Variants in OR5T1 observed in about 807,000 individuals in gnomAD.
OR5T1 encodes olfactory receptor family 5 subfamily T member 1.
In OR5T1, 14 loss-of-function variants were observed where a neutral mutation model predicts 10.1. The ratio of observed to expected loss-of-function variants is 1.39; its 90% CI spans 0.92 to 2.18. The LOEUF is 2.18. OR5T1 is among the 30% of genes most tolerant of loss of function. OR5T1 has a pLI of 0.00. For missense variants in OR5T1, 461 were observed against 383.9 expected, an observed-to-expected ratio of 1.20 and a Z score of -1.68; for synonymous variants, 166 against 141.2, an observed-to-expected ratio of 1.18 and a Z score of -1.24.
chr11:56,275,418 T>C (rs1853924309), intron 2 of OR5T1, 68 bp from the exon 3 acceptor site: 3 of 389,798 alleles, frequency 7.7e-6, no homozygotes, highest in Non-Finnish European at 9.0e-6. Flanking sequence ...TCCAGCTTCA[T>C]CCATGTTAAA....
chr11:56,274,940 T>C (rs1004341912), intron 2 of OR5T1, among the ~76,000 whole-genome samples, 187 bp downstream of exon 2: 1 of 152,178 alleles, frequency 6.6e-6, no homozygotes, highest in Non-Finnish European at 1.5e-5. Flanking sequence ...TACAACCCAC[T>C]CTTATAATGT....
chr11:56,276,619 G>C lies in OR5T1; in HGVS notation c.981G>C (p.Ter327TyrextTer2), dbSNP rs751282625. 2.5e-6 allele frequency: 4 copies of C among 1,596,708 alleles called. No homozygotes were observed. In the South Asian group the frequency reaches 4.5e-5, roughly 18 times the overall value. The change falls in exon 3 of 3, where the codon TAG (stop) becomes TAC (tyrosine). Residue 327 changes from the stop codon to tyrosine (Y), a stop_lost. Coordinates refer to ENST00000641665, the MANE Select transcript of OR5T1 (RefSeq NM_001004745.2). ...LVRNWFINKL[*>Y] is the part of the protein sequence containing the mutation. ...GAAATTGGTTCATAAATAAGTTATA[G>C]TTTTAAAATTGAGTAAAGTTGCAAA... is the stretch of plus-strand genomic sequence containing the variant.
In OR5T1 at chr11:56,276,131, A is replaced by G. The variant is rs746452802; in HGVS notation, c.493A>G (p.Ile165Val). The G allele has an allele frequency of 6.2e-7, 1 of 1,614,042 alleles. No homozygotes were observed. Among genetic ancestry groups the G allele is most frequent in the Admixed American group, 1.7e-5 (1 of 60,014 alleles). ...CATCACTGCTTCCTATGTTGCTAGC[A>G]TTTTACATGCTACTATACATACAGT... ...PLITASYVASILHATIHTVAT... is the reference protein window; with the variant it reads ...PLITASYVASVLHATIHTVAT... Residue 165 changes from isoleucine (I) to valine (V), a missense_variant, in exon 3 of 3, where the codon ATT becomes GTT. Transcript: ENST00000641665.
rs775832107 is a variant in OR5T1 at position 56,275,980 on chromosome 11, T to C, written c.342T>C (p.Phe114=). ...TTCTTGGATGTGCAACACAGATGTT[T>C]CTTGCTTGTACTTTTGGAACCACAG... is the stretch of plus-strand genomic sequence containing the variant. ...ISFLGCATQM[F]LACTFGTTEC... is the part of the protein sequence containing the mutation. The change falls in exon 3 of 3, where the codon TTT becomes TTC. Residue 114 remains phenylalanine (F), a synonymous_variant. Coordinates refer to ENST00000641665, the MANE Select transcript of OR5T1 (RefSeq NM_001004745.2). 6.2e-7 allele frequency: 1 copy of C among 1,614,230 alleles called. No individual in the cohort carries two copies. The highest frequency in any genetic ancestry group is 8.5e-7 in the Non-Finnish European group (1 of 1,180,042).
chr11:56,274,932 CA>C (rs1321821661), intron 2 of OR5T1, among the ~76,000 whole-genome samples, 179 bp downstream of exon 2: 1 of 152,040 alleles, frequency 6.6e-6, no homozygotes, highest in African/African-American at 2.4e-5. Context: ...CATTTAAATA[CA>C]ACCCACTCTT....
In OR5T1 at chr11:56,275,907, C is replaced by T; in HGVS notation, c.269C>T (p.Thr90Ile). 6.2e-7 allele frequency: 1 copy of T among 1,614,174 alleles called. No homozygotes were observed. Among genetic ancestry groups the T allele is most frequent in the Non-Finnish European group, 8.5e-7 (1 of 1,180,018 alleles). The change falls in exon 3 of 3, where the codon ACT (threonine) becomes ATT (isoleucine). Residue 90 changes from threonine to isoleucine, a missense_variant. By Grantham distance (89) the Thr-to-Ile change is moderately conservative (BLOSUM62 -1). Coordinates refer to ENST00000641665, the MANE Select transcript of OR5T1 (RefSeq NM_001004745.2). Reference sequence around the variant, plus strand: ...GATGTCTGCTATTCTACAGTTGTCACTCCAAAAATGTTGGTCAATTTCCTG... The same window carrying T: ...GATGTCTGCTATTCTACAGTTGTCATTCCAAAAATGTTGGTCAATTTCCTG... ...FLDVCYSTVV[T>I]PKMLVNFLAK...
rs1853955864 is a variant in OR5T1, at chr11:56,276,725, A to G, written c.*106A>G. The G allele has an allele frequency of 4.0e-6, 3 of 756,576 alleles. No homozygotes were observed. The highest frequency in any genetic ancestry group is 2.6e-5 in the East Asian group (1 of 37,886). 46.9% of individuals were successfully genotyped at this position (756,576 alleles called of 1,614,324 possible). ...TTTCTTTTAGTTAACAGTGCTTGTA[A>G]CTTCTAGAATATTTTCAAATAAAGC... On this transcript the variant is annotated 3_prime_UTR_variant, in exon 3 of 3. Coordinates refer to ENST00000641665, the MANE Select transcript of OR5T1 (RefSeq NM_001004745.2).
rs972674903 is a variant in OR5T1 at position 56,276,755 on chromosome 11, A to G, written c.*136A>G. 22 of 640,758 alleles carry G rather than the reference A, an allele frequency of 3.4e-5. No homozygotes were observed. In the African/African-American group the frequency reaches 3.5e-4, roughly 10 times the overall value. The allele number at this position is 640,758 out of a possible 1,614,324, so 39.7% of individuals were successfully genotyped here. ...TAGAATATTTTCAAATAAAGCATCA[A>G]TCAGCCTACTAATTCACCATTTTAG... On this transcript the variant is annotated 3_prime_UTR_variant, in exon 3 of 3. Coordinates refer to ENST00000641665, the MANE Select transcript of OR5T1 (RefSeq NM_001004745.2).
chr11:56,275,935 A>C lies in OR5T1; in HGVS notation c.297A>C (p.Ala99=). The change falls in exon 3 of 3, where the codon GCA becomes GCC. Residue 99 remains alanine, a synonymous_variant. Transcript: ENST00000641665. ...VTPKMLVNFL[A]KNKSISFLGC... is the part of the protein sequence containing the mutation. Reference sequence around the variant, plus strand: ...CAAAAATGTTGGTCAATTTCCTGGCAAAAAATAAATCTATTTCATTTCTTG... The same window carrying C: ...CAAAAATGTTGGTCAATTTCCTGGCCAAAAATAAATCTATTTCATTTCTTG... 6.2e-7 allele frequency: 1 copy of C among 1,614,178 alleles called. No homozygotes were observed. Among genetic ancestry groups the C allele is most frequent in the Non-Finnish European group, 8.5e-7 (1 of 1,180,032 alleles).
rs145350610 is a variant in OR5T1, at chr11:56,276,448, G to A, written c.810G>A (p.Met270Ile). Residue 270 changes from methionine (M) to isoleucine (I), a missense_variant, in exon 3 of 3, where the codon ATG becomes ATA. Coordinates refer to ENST00000641665, the MANE Select transcript of OR5T1 (RefSeq NM_001004745.2). ...TTTATCATGGGACAATCCTCTTCAT[G>A]TATGTGAGACCAAGTTCCAGCTACA... ...VTIYHGTILF[M>I]YVRPSSSYTS... is the part of the protein sequence containing the mutation. 2 of 1,613,998 alleles carry A rather than the reference G, an allele frequency of 1.2e-6. No homozygotes were observed. The highest frequency in any genetic ancestry group is 3.3e-5 in the Admixed American group (2 of 60,018).
In OR5T1 at chr11:56,276,144, C is replaced by T. The variant is rs780122858; in HGVS notation, c.506C>T (p.Thr169Ile). ...TATGTTGCTAGCATTTTACATGCTA[C>T]TATACATACAGTGGCTACATTTAGC... ...ASYVASILHA[T>I]IHTVATFSLS... Residue 169 changes from threonine to isoleucine, a missense_variant, in exon 3 of 3, where the codon ACT becomes ATT. Transcript: ENST00000641665. 1.9e-6 allele frequency: 3 copies of T among 1,614,144 alleles called. No homozygotes were observed. Among genetic ancestry groups the T allele is most frequent in the Admixed American group, 3.3e-5 (2 of 60,010 alleles).
rs779171832 is a variant in OR5T1, at chr11:56,275,596, T to C, written c.-43T>C. On this transcript the variant is annotated 5_prime_UTR_variant, in exon 3 of 3. Coordinates refer to ENST00000641665, the MANE Select transcript of OR5T1 (RefSeq NM_001004745.2). ...GAGGATATAATTGGATAAACTTAAT[T>C]TTCACAGGCTGTTGCATTTAGTACA... The C allele has an allele frequency of 2.0e-6, 3 of 1,474,180 alleles. No homozygotes were observed. Among genetic ancestry groups the C allele is most frequent in the African/African-American group, 2.8e-5 (2 of 70,854 alleles). The allele number at this position is 1,474,180 out of a possible 1,614,324, so 91.3% of individuals were successfully genotyped here.
At position 56,276,523 on chromosome 11, in the gene OR5T1, CA is replaced by C; in HGVS notation, c.886del (p.Met296CysfsTer2). 1 of 1,612,994 alleles carries C rather than the reference CA, an allele frequency of 6.2e-7. No homozygotes were observed. Among genetic ancestry groups the C allele is most frequent in the Middle Eastern group, 1.7e-4 (1 of 6,058 alleles). ...VSIFYTIVIPMLNPIIYSLRN... is the reference protein window; with the variant it reads ...VSIFYTIVIPXLNPIIYSLRN... ...CAATATTTTATACCATTGTGATTCC[CA>C]TGCTGAATCCCATCATCTACAGTTT... On this transcript the variant is annotated frameshift_variant, in exon 3 of 3. Coordinates refer to ENST00000641665, the MANE Select transcript of OR5T1 (RefSeq NM_001004745.2). LOFTEE classifies it low-confidence loss of function (END_TRUNC).
rs144926443 is a variant in OR5T1, at chr11:56,276,460, A to C, written c.822A>C (p.Pro274=). The C allele has an allele frequency of 6.2e-7, 1 of 1,614,078 alleles. No homozygotes were observed. The highest frequency in any genetic ancestry group is 1.1e-5 in the South Asian group (1 of 91,078). ...HGTILFMYVR[P]SSSYTSDNDM... ...CAATCCTCTTCATGTATGTGAGACC[A>C]AGTTCCAGCTACACTTCGGACAATG... The change falls in exon 3 of 3, where the codon CCA becomes CCC. Residue 274 remains proline, a synonymous_variant. Transcript: ENST00000641665.
At position 56,275,645 on chromosome 11, in the gene OR5T1, G is replaced by C. The variant is rs149108664; in HGVS notation, c.7G>C (p.Gly3Arg). The C allele has an allele frequency of 9.6e-6, 15 of 1,566,136 alleles. No individual in the cohort carries two copies. In the African/African-American group the frequency reaches 2.1e-4, roughly 22 times the overall value. ...CATATAAACAATAGCTAAAATGTCA[G>C]GGTTGCCTTCAGATATGGATCTATA... MS[G>R]LPSDMDLYKL... Residue 3 changes from glycine (G) to arginine (R), a missense_variant, in exon 3 of 3, where the codon GGG becomes CGG. Gly to Arg is a moderately radical substitution (Grantham distance 125). Coordinates refer to ENST00000641665, the MANE Select transcript of OR5T1 (RefSeq NM_001004745.2).
Position 56,275,874 on chromosome 11 carries a change from C to A in OR5T1, c.236C>A (p.Ser79Ter). 2 of 1,614,114 alleles carry A rather than the reference C, an allele frequency of 1.2e-6. No individual in the cohort carries two copies. Among genetic ancestry groups the A allele is most frequent in the East Asian group, 2.2e-5 (1 of 44,874 alleles). Residue 79 changes from serine to a stop codon, truncating the protein, a stop_gained, in exon 3 of 3, where the codon TCA becomes TAA. Coordinates refer to ENST00000641665, the MANE Select transcript of OR5T1 (RefSeq NM_001004745.2). LOFTEE classifies it high-confidence loss of function. ...SPMYYFLGVL[S>*]FLDVCYSTVV... Reference sequence around the variant, plus strand: ...ATGTACTATTTTCTTGGTGTTTTATCATTCTTGGATGTCTGCTATTCTACA... The same window carrying A: ...ATGTACTATTTTCTTGGTGTTTTATAATTCTTGGATGTCTGCTATTCTACA...
At position 56,275,855 on chromosome 11, in the gene OR5T1, T is replaced by C. The variant is rs745582694; in HGVS notation, c.217T>C (p.Tyr73His). Residue 73 changes from tyrosine to histidine, a missense_variant, in exon 3 of 3, where the codon TAT becomes CAT. By Grantham distance (83) the Tyr-to-His change is moderately conservative (BLOSUM62 2). Transcript: ENST00000641665. ...TTTCTGGCTTCACAGCCCAATGTAC[T>C]ATTTTCTTGGTGTTTTATCATTCTT... ...GDFWLHSPMY[Y>H]FLGVLSFLDV... is the part of the protein sequence containing the mutation. The C allele has an allele frequency of 1.7e-5, 27 of 1,614,080 alleles. No homozygotes were observed. The highest frequency in any genetic ancestry group is 2.2e-5 in the Non-Finnish European group (26 of 1,180,006).
chr11:56,275,695 T>C lies in OR5T1; in HGVS notation c.57T>C (p.Thr19=). The change falls in exon 3 of 3, where the codon ACT becomes ACC. Residue 19 remains threonine, a synonymous_variant. Coordinates refer to ENST00000641665, the MANE Select transcript of OR5T1 (RefSeq NM_001004745.2). The part of the protein sequence containing the change: ...DLYKLQLNNF[T]EVTMFILISF... ...ACAAGCTTCAATTAAACAATTTTAC[T>C]GAAGTCACCATGTTTATATTAATAA... The C allele has an allele frequency of 6.2e-7, 1 of 1,607,368 alleles. No individual in the cohort carries two copies. Among genetic ancestry groups the C allele is most frequent in the Non-Finnish European group, 8.5e-7 (1 of 1,175,878 alleles).
At position 56,275,652 on chromosome 11, in the gene OR5T1, C is replaced by T. The variant is rs979052926; in HGVS notation, c.14C>T (p.Pro5Leu). The T allele has an allele frequency of 1.9e-6, 3 of 1,573,202 alleles. No individual in the cohort carries two copies. The highest frequency in any genetic ancestry group is 2.6e-6 in the Non-Finnish European group (3 of 1,164,342). The change falls in exon 3 of 3, where the codon CCT (proline) becomes CTT (leucine). Residue 5 changes from proline to leucine, a missense_variant. Physicochemically the swap from Pro to Leu is moderately conservative, Grantham distance 98 (BLOSUM62 -3). Transcript: ENST00000641665. ...ACAATAGCTAAAATGTCAGGGTTGC[C>T]TTCAGATATGGATCTATACAAGCTT... Reference protein sequence around the residue: MSGLPSDMDLYKLQL... With the variant: MSGLLSDMDLYKLQL...
Sources: gnomAD v4.1 joint callset for allele counts (sites outside exome capture counted in the v4.1 genomes callset) on GRCh38, gnomAD v4.1.1 for gene constraint, MANE v1.5 for transcripts, NCBI Gene and HGNC (gene_info 2026-07-23, HGNC 2026-07-21) for gene names.